The following CSMD1 variants were observed in gnomAD, a reference collection of about 807,000 sequenced individuals.
CSMD1 encodes the protein CUB and sushi domain-containing protein 1.
Under a neutral mutation model 417.5 loss-of-function variants are expected in CSMD1, and 213 were observed. The observed-to-expected ratio is 0.51, with a 90% confidence interval of 0.46 to 0.57. CSMD1 has a LOEUF of 0.57. Ranked by LOEUF, CSMD1 falls within the 20% of genes least tolerant of loss-of-function variation. The pLI is 0.00. For synonymous variants in CSMD1, 2,862 were observed against 1,736.8 expected, an observed-to-expected ratio of 1.65 and a Z score of -16.11; for missense variants, 6,923 against 4,529.7, an observed-to-expected ratio of 1.53 and a Z score of -15.17.
intron 2 of CSMD1, among the ~76,000 whole-genome samples, chr8:4,565,478 C>A (rs904290483): frequency 4.6e-5 from 7 of 152,096 alleles, no homozygotes; most frequent in Admixed American, 6.5e-5. Flanking sequence ...TGGCTCACAC[C>A]TGTAATCCCA....
intron 3 of CSMD1, among the ~76,000 whole-genome samples, chr8:4,358,490 T>A (rs62479476): frequency 6.6e-6 from 1 of 152,226 alleles, no homozygotes; most frequent in Non-Finnish European, 1.5e-5. Flanking sequence ...ACAAGGTGTA[T>A]GTCTCCTTTT....
intron 3 of CSMD1, among the ~76,000 whole-genome samples, chr8:4,225,542 T>C (rs1330058124): frequency 3.9e-5 from 6 of 152,052 alleles, no homozygotes; most frequent in Non-Finnish European, 8.8e-5. Context: ...CTCTATTTTT[T>C]CTTCTTCCTT....
At chr8:4,453,216 G>GACAC (rs71207090) in intron 2 of CSMD1, among the ~76,000 whole-genome samples, 6,316 of 149,158 alleles carry the variant, frequency 0.042, 185 homozygotes, top group South Asian at 0.065. Context: ...CACACACAGA[G>GACAC]ACACACACAC....
At chr8:4,160,916 A>G (rs1312887639) in intron 3 of CSMD1, among the ~76,000 whole-genome samples, 1 of 152,180 alleles carries the variant, frequency 6.6e-6, no homozygotes, top group East Asian at 1.9e-4. Flanking sequence ...AAGTGGTTTA[A>G]TATTACTTGA....
At chr8:3,500,813 T>C (rs1172321638) in intron 10 of CSMD1, among the ~76,000 whole-genome samples, 1 of 152,152 alleles carries the variant, frequency 6.6e-6, no homozygotes, top group Non-Finnish European at 1.5e-5. Flanking sequence ...TAAAGTGGAT[T>C]GGCAGAATGG....
chr8:3,604,535 C>T lies in CSMD1; in HGVS notation c.1097+12175G>A, dbSNP rs369745102. ...AGCCAATACCACATAGGATACCAACCGAGATATCAGTGTATGCATCTGCTC... is the reference window on the plus strand; with the variant it reads ...AGCCAATACCACATAGGATACCAACTGAGATATCAGTGTATGCATCTGCTC... On this transcript the variant is annotated intron_variant, in intron 8 of 69. Coordinates refer to ENST00000635120, the MANE Select transcript of CSMD1 (RefSeq NM_033225.6). 6.4e-4 allele frequency among the ~76,000 whole-genome samples: 97 copies of T among 151,986 alleles called. 1 individual carries two copies. The Middle Eastern group carries it at 0.017, about 27-fold the overall frequency.
intron 4 of CSMD1, among the ~76,000 whole-genome samples, chr8:4,009,584 C>T (rs1307161576): frequency 6.6e-6 from 1 of 152,092 alleles, no homozygotes; most frequent in African/African-American, 2.4e-5. Flanking sequence ...ATGTGTAATT[C>T]CAACTCAATT....
At position 3,733,891 on chromosome 8, in the gene CSMD1, G is replaced by C. The variant is rs984579402; in HGVS notation, c.931+20039C>G. Among the ~76,000 whole-genome samples, 50 of 152,204 alleles carry C rather than the reference G, an allele frequency of 3.3e-4. 1 individual carries two copies. The highest frequency in any genetic ancestry group is 1.5e-5 in the Non-Finnish European group (1 of 68,020). ...AAACTTTATCATGGGTACAAAGTAC[G>C]AGAAAAGCATAGTTTATGTAGGGTT... On this transcript the variant is annotated intron_variant, in intron 6 of 69. Coordinates refer to ENST00000635120, the MANE Select transcript of CSMD1 (RefSeq NM_033225.6).
In CSMD1 at chr8:3,273,027, C is replaced by T. The variant is rs1176787903; in HGVS notation, c.4153+11117G>A. 2.0e-5 allele frequency among the ~76,000 whole-genome samples: 3 copies of T among 152,042 alleles called. No individual in the cohort carries two copies. The East Asian group carries it at 5.8e-4, about 30-fold the overall frequency. ...CTTGTGCCAGTCTTCAAAGGGAATG[C>T]TTCTAGTTTTTGCCCATTCGGTATG... On this transcript the variant is annotated intron_variant, in intron 26 of 69. Transcript: ENST00000635120.
chr8:4,546,324 C>T (rs747044458), intron 2 of CSMD1, among the ~76,000 whole-genome samples: 3 of 152,098 alleles, frequency 2.0e-5, no homozygotes, highest in Admixed American at 1.3e-4. Context: ...TTTTCTGTGT[C>T]AACTTCACTG....
At chr8:4,092,011 A>G (rs982324054) in intron 3 of CSMD1, among the ~76,000 whole-genome samples, 1 of 152,236 alleles carries the variant, frequency 6.6e-6, no homozygotes, top group Non-Finnish European at 1.5e-5. Flanking sequence ...CTACTTTTAC[A>G]TAATATTACG....
At chr8:4,043,118 G>A (rs1003871053) in intron 3 of CSMD1, among the ~76,000 whole-genome samples, 4 of 152,070 alleles carry the variant, frequency 2.6e-5, no homozygotes, top group Non-Finnish European at 5.9e-5. Context: ...GGGTGAGACA[G>A]TGAGACTCTG....
chr8:3,137,751 G>A (rs1023649036), intron 41 of CSMD1, among the ~76,000 whole-genome samples: 2 of 152,170 alleles, frequency 1.3e-5, no homozygotes, highest in African/African-American at 4.8e-5. Flanking sequence ...AAAAGAGTCT[G>A]TGCATGTTCA....
At position 4,195,839 on chromosome 8, in the gene CSMD1, G is replaced by A. The variant is rs139472317; in HGVS notation, c.416-163740C>T. On this transcript the variant is annotated intron_variant, in intron 3 of 69. Transcript: ENST00000635120. ...TCAAGCCTGTAGATGAGGAGGCAGTGGAATTAACGCCTTGATCATAGCATG... is the reference window on the plus strand; with the variant it reads ...TCAAGCCTGTAGATGAGGAGGCAGTAGAATTAACGCCTTGATCATAGCATG... Among the ~76,000 whole-genome samples, 864 of 152,190 alleles carry A rather than the reference G, an allele frequency of 5.7e-3. 9 individuals are homozygous for A. Among genetic ancestry groups the A allele is most frequent in the African/African-American group, 0.02 (820 of 41,510 alleles).
intron 5 of CSMD1, among the ~76,000 whole-genome samples, chr8:3,924,755 A>C (rs768125279): frequency 6.9e-6 from 1 of 144,386 alleles, no homozygotes; most frequent in African/African-American, 2.4e-5. Context: ...CATTTTGTTC[A>C]TATCTTGTTT....
chr8:2,999,979 C>T lies in CSMD1; in HGVS notation c.8182G>A (p.Gly2728Arg). ...TTACGGACACAGACAGGCGTTTGTC[C>T]AGACCACTTGTGGTCTTGCAGGCAT... ...RICLQDHKWSGQTPVCVPITC... is the reference protein window; with the variant it reads ...RICLQDHKWSRQTPVCVPITC... The change falls in exon 53 of 70, where the codon GGA (glycine) becomes AGA (arginine). Residue 2728 changes from glycine (G) to arginine (R), a missense_variant. By Grantham distance (125) the Gly-to-Arg change is moderately radical. Coordinates refer to ENST00000635120, the MANE Select transcript of CSMD1 (RefSeq NM_033225.6). 1 of 1,609,578 alleles carries T rather than the reference C, an allele frequency of 6.2e-7. No homozygotes were observed. The highest frequency in any genetic ancestry group is 8.5e-7 in the Non-Finnish European group (1 of 1,178,820).
At chr8:4,109,891 A>T (rs568682557) in intron 3 of CSMD1, among the ~76,000 whole-genome samples, 2 of 152,160 alleles carry the variant, frequency 1.3e-5, no homozygotes, top group Non-Finnish European at 2.9e-5. Context: ...TCTCATAATA[A>T]AGTTCTTTTC....
intron 7 of CSMD1, among the ~76,000 whole-genome samples, chr8:3,706,228 G>C (rs1488873159): frequency 6.6e-6 from 1 of 152,244 alleles, no homozygotes; most frequent in African/African-American, 2.4e-5. Context: ...ATTTATCGGA[G>C]TGACAACCCT....
intron 10 of CSMD1, among the ~76,000 whole-genome samples, chr8:3,520,990 C>G (rs1797484308): frequency 6.6e-6 from 1 of 152,132 alleles, no homozygotes; most frequent in Non-Finnish European, 1.5e-5. Flanking sequence ...CCATCAAAGT[C>G]AAAGCCCTCT....
Sources: allele counts gnomAD v4.1 joint callset (sites outside exome capture counted in the v4.1 genomes callset), GRCh38; gene constraint gnomAD v4.1.1; transcripts MANE v1.5; gene names NCBI Gene and HGNC (gene_info 2026-07-23, HGNC 2026-07-21).